The following AUTS2 variants were observed in gnomAD, a reference collection of about 807,000 sequenced individuals.
AUTS2 encodes the protein activator of transcription and developmental regulator AUTS2.
Under a neutral mutation model 112.4 loss-of-function variants are expected in AUTS2, and 17 were observed. The observed-to-expected ratio is 0.15, with a 90% CI of 0.10 to 0.23. AUTS2 has a LOEUF of 0.23. Among genes scored for constraint, AUTS2 ranks in the 10% least tolerant of loss-of-function variants. AUTS2 has a pLI of 1.00. For synonymous variants in AUTS2, 751 were observed against 702.7 expected (o/e 1.07, Z -1.09); for missense variants, 1,510 against 1,701.6 (o/e 0.89, Z 1.98).
At chr7:70,518,740 A>G (rs1233435452) in intron 5 of AUTS2, among the ~76,000 whole-genome samples, 3 of 151,946 alleles carry the variant, frequency 2.0e-5, no homozygotes, top group East Asian at 3.9e-4. Flanking sequence ...GTCTCACTCC[A>G]TGACCCAGGC....
chr7:69,842,818 G>A (rs1792038347), intron 1 of AUTS2, among the ~76,000 whole-genome samples: 1 of 152,142 alleles, frequency 6.6e-6, no homozygotes, highest in African/African-American at 2.4e-5. Flanking sequence ...GGGCACAGTG[G>A]TAGCATCACC....
intron 5 of AUTS2, among the ~76,000 whole-genome samples, chr7:70,517,682 TGATA>T (rs1402326903): frequency 1.3e-5 from 2 of 151,394 alleles, no homozygotes; most frequent in Non-Finnish European, 2.9e-5. Context: ...GTCCAGTTAA[TGATA>T]GAAATTGTTC....
intron 2 of AUTS2, among the ~76,000 whole-genome samples, chr7:69,927,383 A>T (rs1377464168): frequency 1.3e-5 from 2 of 152,018 alleles, no homozygotes; most frequent in Non-Finnish European, 2.9e-5. Context: ...AGGCTACAAA[A>T]CATTGTTACT....
At chr7:69,867,065 T>C (rs926110956) in intron 1 of AUTS2, among the ~76,000 whole-genome samples, 1 of 151,994 alleles carries the variant, frequency 6.6e-6, no homozygotes, top group African/African-American at 2.4e-5. Context: ...ATTGTTAGGG[T>C]GATGTGGGGC....
At chr7:70,055,280 C>G (rs1426648187) in intron 2 of AUTS2, among the ~76,000 whole-genome samples, 1 of 152,042 alleles carries the variant, frequency 6.6e-6, no homozygotes, top group Non-Finnish European at 1.5e-5. Flanking sequence ...ACTAAAAATA[C>G]AAAATTAGCT....
chr7:70,233,620 C>A (rs997617032), intron 4 of AUTS2, among the ~76,000 whole-genome samples: 1 of 152,170 alleles, frequency 6.6e-6, no homozygotes, highest in African/African-American at 2.4e-5. Flanking sequence ...GTATATTTTT[C>A]CATTAACACA....
chr7:70,419,305 G>A, intron 4 of AUTS2, among the ~76,000 whole-genome samples: 1 of 152,030 alleles, frequency 6.6e-6, no homozygotes, highest in East Asian at 1.9e-4. Flanking sequence ...AGTGCAGAGA[G>A]TTAGAAACAC....
At chr7:70,213,752 A>T (rs1179210148) in intron 4 of AUTS2, among the ~76,000 whole-genome samples, 2 of 152,186 alleles carry the variant, frequency 1.3e-5, no homozygotes, top group Admixed American at 1.3e-4. Flanking sequence ...TCTTAGGAAG[A>T]GGCTACATGG....
At chr7:70,734,588 G>T (rs1250132004) in intron 6 of AUTS2, among the ~76,000 whole-genome samples, 1 of 152,164 alleles carries the variant, frequency 6.6e-6, no homozygotes, top group African/African-American at 2.4e-5. Context: ...GGCTGGCAGG[G>T]TGAGGTATGT....
intron 5 of AUTS2, among the ~76,000 whole-genome samples, chr7:70,456,852 G>C (rs868386546): frequency 6.6e-6 from 1 of 152,172 alleles, no homozygotes; most frequent in African/African-American, 2.4e-5. Flanking sequence ...ATGTCAGCTG[G>C]TGGGCCCTGG....
At chr7:69,836,570 A>G (rs1584317646) in intron 1 of AUTS2, among the ~76,000 whole-genome samples, 1 of 152,114 alleles carries the variant, frequency 6.6e-6, no homozygotes, top group African/African-American at 2.4e-5. Flanking sequence ...AAAGCCCACA[A>G]TTTAATCTAT....
intron 5 of AUTS2, among the ~76,000 whole-genome samples, chr7:70,568,048 T>C (rs561446803): frequency 1.3e-5 from 2 of 152,364 alleles, no homozygotes; most frequent in East Asian, 3.9e-4. Flanking sequence ...TTAGCAAATG[T>C]TGCAGAAAGA....
chr7:70,134,751 C>T (rs1402951399), intron 4 of AUTS2, among the ~76,000 whole-genome samples, 180 bp downstream of exon 4: 1 of 152,054 alleles, frequency 6.6e-6, no homozygotes, highest in East Asian at 1.9e-4. Flanking sequence ...CCTGCTGGGC[C>T]CTAGGGATCT....
At chr7:69,902,469 T>TA (rs1795005695) in intron 2 of AUTS2, among the ~76,000 whole-genome samples, 1 of 152,200 alleles carries the variant, frequency 6.6e-6, no homozygotes, top group African/African-American at 2.4e-5. Context: ...TATTGAGAAC[T>TA]ACAGATGAAA....
chr7:70,638,382 C>T lies in AUTS2; in HGVS notation c.691-60187C>T, dbSNP rs530130530. On this transcript the variant is annotated intron_variant, in intron 5 of 18. Transcript: ENST00000342771. ...TGCAGCTGAAGCAAGTTCAAAAGTG[C>T]GAGGATTGTAAACTTGAGAGCAACT... 4.6e-5 allele frequency among the ~76,000 whole-genome samples: 7 copies of T among 152,210 alleles called. No homozygotes were observed. The South Asian group carries it at 1.2e-3, about 27-fold the overall frequency.
At chr7:70,585,902 G>A (rs1297082855) in intron 5 of AUTS2, among the ~76,000 whole-genome samples, 1 of 151,466 alleles carries the variant, frequency 6.6e-6, no homozygotes, top group Non-Finnish European at 1.5e-5. Flanking sequence ...TTGCTCTGTC[G>A]CCCAGACTGG....
At position 70,154,123 on chromosome 7, in the gene AUTS2, A is replaced by G. The variant is rs1398817707; in HGVS notation, c.660+19552A>G. On this transcript the variant is annotated intron_variant, in intron 4 of 18. Transcript: ENST00000342771. ...AGTACTTCTTTAAAGCAGACATCCA[A>G]CTGTCTTTCTTGACAAAAGCAAGGT... is the stretch of plus-strand genomic sequence containing the variant. 3.3e-5 allele frequency among the ~76,000 whole-genome samples: 5 copies of G among 152,188 alleles called. No individual in the cohort carries two copies. The South Asian group carries it at 6.2e-4, about 19-fold the overall frequency.
intron 5 of AUTS2, among the ~76,000 whole-genome samples, chr7:70,600,062 G>T (rs1355492560): frequency 6.6e-6 from 1 of 152,180 alleles, no homozygotes; most frequent in Non-Finnish European, 1.5e-5. Context: ...CAGAAACTAG[G>T]GTGGGGCTCA....
intron 4 of AUTS2, chr7:70,292,752 A>C (rs748324124): frequency 6.6e-6 from 1 of 152,142 alleles, no homozygotes; most frequent in Non-Finnish European, 1.5e-5. Context: ...TGCTAAACAG[A>C]TGATCCTTAA....
Sources: allele counts gnomAD v4.1 joint callset (sites outside exome capture counted in the v4.1 genomes callset), GRCh38; gene constraint gnomAD v4.1.1; transcripts MANE v1.5; gene names NCBI Gene and HGNC (gene_info 2026-07-23, HGNC 2026-07-21).